The following SLC26A7 variants were observed in gnomAD, a reference collection of about 807,000 sequenced individuals.
The protein encoded by SLC26A7 is solute carrier family 26 member 7.
SLC26A7 carries 59 observed loss-of-function variants against 82.5 expected under a neutral mutation model. The observed-to-expected ratio is 0.72, with a 90% CI of 0.58 to 0.89. The LOEUF is 0.89. Among genes scored for constraint, SLC26A7 ranks in the 40% least tolerant of loss-of-function variants. The pLI, the probability that SLC26A7 is intolerant of heterozygous loss-of-function variation, is 0.00. For missense variants in SLC26A7, 820 were observed against 793.0 expected (o/e 1.03, Z -0.41); for synonymous variants, 271 against 274.3 (o/e 0.99, Z 0.12).
At position 91,340,445 on chromosome 8, in the gene SLC26A7, C is replaced by T. The variant is rs142703308; in HGVS notation, c.920C>T (p.Ala307Val). The T allele has an allele frequency of 1.1e-4, 171 of 1,613,840 alleles. No homozygotes were observed. Among genetic ancestry groups the T allele is most frequent in the Middle Eastern group, 1.6e-4 (1 of 6,080 alleles). ...GCTCCCCCGATGAACATCCTCTCTG[C>T]GGTGATCACTGAAGCTTTCGGAGTG... is the stretch of plus-strand genomic sequence containing the variant. ...PRAPPMNILS[A>V]VITEAFGVAL... The change falls in exon 8 of 19, where the codon GCG becomes GTG. Residue 307 changes from alanine (A) to valine (V), a missense_variant. Ala to Val is a moderately conservative substitution (Grantham distance 64). Coordinates refer to ENST00000276609, the MANE Select transcript of SLC26A7 (RefSeq NM_052832.4).
chr8:91,336,930 T>C (rs1272220653), intron 6 of SLC26A7, among the ~76,000 whole-genome samples: 1 of 152,188 alleles, frequency 6.6e-6, no homozygotes, highest in East Asian at 1.9e-4. Context: ...ATGATGATTA[T>C]GAACAATTAT....
intron 11 of SLC26A7, among the ~76,000 whole-genome samples, chr8:91,356,203 C>G (rs1366280586): frequency 3.3e-5 from 5 of 151,960 alleles, no homozygotes; most frequent in Admixed American, 1.3e-4. Context: ...GTGCATGTGT[C>G]TTTATAGCAG....
At chr8:91,347,626 A>G (rs1813596088) in intron 9 of SLC26A7, among the ~76,000 whole-genome samples, 1 of 152,142 alleles carries the variant, frequency 6.6e-6, no homozygotes, top group Non-Finnish European at 1.5e-5. Context: ...ATTTGGGACA[A>G]TTTTATATAG....
At chr8:91,370,912 T>C (rs1244238405) in intron 15 of SLC26A7, among the ~76,000 whole-genome samples, 1 of 151,912 alleles carries the variant, frequency 6.6e-6, no homozygotes, top group African/African-American at 2.4e-5. Context: ...TTCTTCTAAG[T>C]AGGTAGAGAT....
Position 91,394,022 on chromosome 8 carries a change from C to G in SLC26A7, c.1918C>G (p.His640Asp), listed in dbSNP as rs1413627993. The G allele has an allele frequency of 6.2e-7, 1 of 1,613,026 alleles. No homozygotes were observed. Among genetic ancestry groups the G allele is most frequent in the Non-Finnish European group, 8.5e-7 (1 of 1,179,234 alleles). ...FFESVSAAIS[H>D]IHSNKNLSKL... The stretch of plus-strand genomic sequence containing the variant: ...TGAATCGGTATCTGCTGCAATAAGT[C>G]ATATCCATTCAAATAAGGTGAGTTG... The change falls in exon 18 of 19, where the codon CAT becomes GAT. Residue 640 changes from histidine to aspartate, a missense_variant. Coordinates refer to ENST00000276609, the MANE Select transcript of SLC26A7 (RefSeq NM_052832.4).
Position 91,217,510 on chromosome 8 carries a change from G to T in SLC26A7, c.-149-1380G>T, listed in dbSNP as rs1810073185. Among the ~76,000 whole-genome samples the T allele has an allele frequency of 2.6e-5, 4 of 152,204 alleles. No homozygotes were observed. In the South Asian group the frequency reaches 8.3e-4, roughly 32 times the overall value. ...GAATGTCCTGGGGCTGATGTTCATT[G>T]GCTTCCTTGAACTGTCTTGCCTTAT... On this transcript the variant is annotated intron_variant, in intron 1 of 5. Coordinates refer to the SLC26A7 transcript ENST00000522862.
chr8:91,367,099 C>A (rs4236765), intron 14 of SLC26A7, among the ~76,000 whole-genome samples: 59,443 of 151,534 alleles, frequency 0.39, 12,503 homozygotes, highest in African/African-American at 0.51. Context: ...GCTCCGCCTC[C>A]CGGGTTCACG....
At chr8:91,265,533 A>C (rs537461184) in intron 2 of SLC26A7, among the ~76,000 whole-genome samples, 2 of 152,018 alleles carry the variant, frequency 1.3e-5, no homozygotes, top group Non-Finnish European at 2.9e-5. Flanking sequence ...CTCTTTCTGC[A>C]TCCTCACTAG....
intron 8 of SLC26A7, among the ~76,000 whole-genome samples, chr8:91,341,249 G>C (rs1284891572): frequency 6.7e-6 from 1 of 150,318 alleles, no homozygotes; most frequent in African/African-American, 2.5e-5. Flanking sequence ...TTGGTTTTTT[G>C]TTCTTGCGAT....
At chr8:91,289,890 G>T (rs2130767166) in intron 3 of SLC26A7, among the ~76,000 whole-genome samples, 1 of 152,212 alleles carries the variant, frequency 6.6e-6, no homozygotes, top group Admixed American at 6.5e-5. Context: ...AATATGAGGG[G>T]TGATTTGGTA....
At chr8:91,293,385 A>C (rs1244841279) in intron 3 of SLC26A7, among the ~76,000 whole-genome samples, 1 of 152,276 alleles carries the variant, frequency 6.6e-6, no homozygotes, top group Non-Finnish European at 1.5e-5. Flanking sequence ...GAAGAGACCT[A>C]TAAATAGATA....
At chr8:91,373,118 T>G (rs1424097533) in intron 15 of SLC26A7, among the ~76,000 whole-genome samples, 2 of 152,000 alleles carry the variant, frequency 1.3e-5, no homozygotes, top group Non-Finnish European at 2.9e-5. Context: ...TCCAGAAACC[T>G]TTTGGTAGAG....
At chr8:91,303,892 T>G (rs1477205693) in intron 4 of SLC26A7, among the ~76,000 whole-genome samples, 1 of 152,330 alleles carries the variant, frequency 6.6e-6, no homozygotes, top group East Asian at 1.9e-4. Flanking sequence ...ATCTGAAATC[T>G]CTTTTGATAA....
chr8:91,355,135 A>G (rs1813826852), intron 11 of SLC26A7, among the ~76,000 whole-genome samples: 1 of 152,128 alleles, frequency 6.6e-6, no homozygotes, highest in Non-Finnish European at 1.5e-5. Context: ...GGTAAAGTAG[A>G]GAAATCACAG....
intron 2 of SLC26A7, among the ~76,000 whole-genome samples, chr8:91,279,131 A>G (rs901255517): frequency 0.12 from 3,637 of 30,540 alleles, 59 homozygotes; most frequent in Non-Finnish European, 0.14. Context: ...GTGTGTATAT[A>G]TATATATATA....
chr8:91,225,023 C>T (rs1257459627), intron 2 of SLC26A7, among the ~76,000 whole-genome samples: 3 of 152,226 alleles, frequency 2.0e-5, no homozygotes, highest in African/African-American at 7.2e-5. Flanking sequence ...AGCCATCCAG[C>T]CTCCCTGGCC....
At chr8:91,232,277 A>G (rs1357682712) in intron 2 of SLC26A7, among the ~76,000 whole-genome samples, 1 of 152,172 alleles carries the variant, frequency 6.6e-6, no homozygotes, top group Non-Finnish European at 1.5e-5. Flanking sequence ...ATTTCCCATA[A>G]TATAGGGTCT....
At chr8:91,240,621 C>G (rs534827037) in intron 2 of SLC26A7, among the ~76,000 whole-genome samples, 1 of 152,022 alleles carries the variant, frequency 6.6e-6, no homozygotes, top group Non-Finnish European at 1.5e-5. Context: ...AATTTGACTT[C>G]CTGAGACAAA....
At chr8:91,214,377 A>G (rs1396323438) in intron 1 of SLC26A7, among the ~76,000 whole-genome samples, 1 of 152,158 alleles carries the variant, frequency 6.6e-6, no homozygotes, top group African/African-American at 2.4e-5. Context: ...TGGCATGGAA[A>G]AGAAATATAC....
Sources: allele counts gnomAD v4.1 joint callset (sites outside exome capture counted in the v4.1 genomes callset), GRCh38; gene constraint gnomAD v4.1.1; transcripts MANE v1.5; gene names NCBI Gene and HGNC (gene_info 2026-07-23, HGNC 2026-07-21).